The following CDK17 variants were observed in gnomAD, a reference collection of about 807,000 sequenced individuals.
CDK17 encodes cyclin dependent kinase 17.
CDK17 carries 24 observed loss-of-function variants against 77.6 expected under a neutral mutation model. The observed-to-expected ratio is 0.31, with a 90% CI of 0.22 to 0.44. CDK17 has a LOEUF of 0.44. Ranked by LOEUF, CDK17 falls within the 20% of genes least tolerant of loss-of-function variation. CDK17 has a pLI of 1.00. For missense variants in CDK17, 429 were observed against 622.5 expected, an observed-to-expected ratio of 0.69 and a Z score of 3.31; for synonymous variants, 203 against 210.4, an observed-to-expected ratio of 0.96 and a Z score of 0.30.
At position 96,331,877 on chromosome 12, in the gene CDK17, A is replaced by C. The variant is rs527882220; in HGVS notation, c.118+2842T>G. Among the ~76,000 whole-genome samples, 12 of 152,290 alleles carry C rather than the reference A, an allele frequency of 7.9e-5. No homozygotes were observed. The South Asian group carries it at 2.5e-3, about 32-fold the overall frequency. On this transcript the variant is annotated intron_variant, in intron 2 of 16. Coordinates refer to ENST00000261211, the MANE Select transcript of CDK17 (RefSeq NM_002595.5). ...GTGACTAATCAAGAGACAAGTGATC[A>C]AAAATTGGTCCAAAGGCAGTTTATT... is the stretch of plus-strand genomic sequence containing the variant.
At chr12:96,313,920 T>C (rs1391057131) in intron 3 of CDK17, among the ~76,000 whole-genome samples, 2 of 152,198 alleles carry the variant, frequency 1.3e-5, no homozygotes, top group Admixed American at 1.3e-4. Flanking sequence ...GAGCTAATTC[T>C]TGGAATATTC....
At chr12:96,375,994 T>G (rs973481313) in intron 1 of CDK17, among the ~76,000 whole-genome samples, 1 of 152,204 alleles carries the variant, frequency 6.6e-6, no homozygotes, top group African/African-American at 2.4e-5. Flanking sequence ...GAATCAGACT[T>G]TTTATAAATA....
chr12:96,392,541 T>G (rs991373836), intron 1 of CDK17, among the ~76,000 whole-genome samples: 3 of 152,158 alleles, frequency 2.0e-5, no homozygotes, highest in African/African-American at 7.2e-5. Context: ...GAATTAAAAT[T>G]AACAGGACTT....
Position 96,282,554 on chromosome 12 carries a change from C to A in CDK17, c.1411G>T (p.Val471Leu). The change falls in exon 15 of 17, where the codon GTG becomes TTG. Residue 471 changes from valine (V) to leucine (L), a missense_variant. Transcript: ENST00000261211. ...RVSAEEAMKH[V>L]YFRSLGPRIH... ...CTTGGTCCCAGACTTCGAAAGTACA[C>A]ATGTTTCATGGCCTCTTCAGCTGAA... 6.2e-7 allele frequency: 1 copy of A among 1,613,106 alleles called. No homozygotes were observed. The highest frequency in any genetic ancestry group is 8.5e-7 in the Non-Finnish European group (1 of 1,179,080).
At chr12:96,294,932 G>C in intron 10 of CDK17, 67 bp downstream of exon 10, 2 of 1,341,308 alleles carry the variant, frequency 1.5e-6, no homozygotes, top group Non-Finnish European at 2.0e-6. Context: ...TTATGACAGT[G>C]GTTGATCTTT....
chr12:96,338,773 T>G (rs1156831720), intron 1 of CDK17, among the ~76,000 whole-genome samples: 1 of 55,836 alleles, frequency 1.8e-5, no homozygotes, highest in Non-Finnish European at 3.4e-5. Flanking sequence ...CCACTAAGGT[T>G]TTTTTTTTTT....
intron 10 of CDK17, among the ~76,000 whole-genome samples, chr12:96,290,580 C>A (rs917243806): frequency 4.6e-5 from 7 of 152,278 alleles, no homozygotes; most frequent in Admixed American, 3.9e-4. Flanking sequence ...CATTTAATTA[C>A]AAGTTTTACT....
Position 96,347,861 on chromosome 12 carries a change from A to C in CDK17, c.-29-12996T>G, listed in dbSNP as rs527506191. On this transcript the variant is annotated intron_variant, in intron 1 of 16. Coordinates refer to ENST00000261211, the MANE Select transcript of CDK17 (RefSeq NM_002595.5). ...ATCATAAAAAGCTCTTTTCCAATCAAAATGGAATGAAACTAAAAATCAGAA... is the reference window on the plus strand; with the variant it reads ...ATCATAAAAAGCTCTTTTCCAATCACAATGGAATGAAACTAAAAATCAGAA... Among the ~76,000 whole-genome samples, 6 of 152,352 alleles carry C rather than the reference A, an allele frequency of 3.9e-5. No homozygotes were observed. The South Asian group carries it at 1.2e-3, about 32-fold the overall frequency.
chr12:96,299,515 C>CG (rs201779078), intron 6 of CDK17, among the ~76,000 whole-genome samples: 7,648 of 151,738 alleles, frequency 0.05, 284 homozygotes, highest in Non-Finnish European at 0.074. Flanking sequence ...CTCAGCCTCC[C>CG]GAGTAGCTGG....
intron 1 of CDK17, among the ~76,000 whole-genome samples, chr12:96,346,098 G>A (rs1249146031): frequency 2.6e-5 from 4 of 152,220 alleles, no homozygotes; most frequent in Middle Eastern, 3.4e-3. Flanking sequence ...TGGGTGGATC[G>A]TGTGAGGTCA....
At chr12:96,379,079 G>C (rs1409812437) in intron 1 of CDK17, among the ~76,000 whole-genome samples, 1 of 152,112 alleles carries the variant, frequency 6.6e-6, no homozygotes, top group Non-Finnish European at 1.5e-5. Context: ...AATTTCTGAA[G>C]CATAAATACA....
chr12:96,334,990 A>AC (rs1208304399), intron 1 of CDK17, 125 bp from the exon 2 acceptor site: 1 of 686,688 alleles, frequency 1.5e-6, no homozygotes, highest in Non-Finnish European at 2.6e-6. Flanking sequence ...CTTCTGCCAA[A>AC]CATCACCAAA....
intron 1 of CDK17, among the ~76,000 whole-genome samples, chr12:96,377,824 G>A (rs1953808011): frequency 6.6e-6 from 1 of 151,022 alleles, no homozygotes; most frequent in Non-Finnish European, 1.5e-5. Flanking sequence ...CTCCCAAGTA[G>A]CTGAGACTAC....
rs141454708 is a variant in CDK17 at position 96,302,479 on chromosome 12, C to A, written c.544-2119G>T. ...TGAATATGGAACTACCGCATTTTTGCCATGAATTTTAAGTTTTGTGTCATC... is the reference window on the plus strand; with the variant it reads ...TGAATATGGAACTACCGCATTTTTGACATGAATTTTAAGTTTTGTGTCATC... On this transcript the variant is annotated intron_variant, in intron 5 of 16. Coordinates refer to ENST00000261211, the MANE Select transcript of CDK17 (RefSeq NM_002595.5). 2.8e-3 allele frequency among the ~76,000 whole-genome samples: 421 copies of A among 152,052 alleles called. 5 individuals are homozygous for A. Among genetic ancestry groups the A allele is most frequent in the African/African-American group, 9.7e-3 (404 of 41,504 alleles).
chr12:96,321,863 G>A (rs1452232902), intron 3 of CDK17, among the ~76,000 whole-genome samples: 1 of 139,364 alleles, frequency 7.2e-6, no homozygotes, highest in Non-Finnish European at 1.5e-5. Flanking sequence ...AAGGCTAGAT[G>A]ACGAGTTAGT....
intron 1 of CDK17, among the ~76,000 whole-genome samples, chr12:96,352,405 CAT>C (rs1156624107): frequency 6.6e-6 from 1 of 151,266 alleles, no homozygotes; most frequent in East Asian, 1.9e-4. Context: ...AAAAAAAAAA[CAT>C]GTCCCAGCTG....
At chr12:96,284,039 G>T (rs1952212048) in intron 13 of CDK17, among the ~76,000 whole-genome samples, 1 of 152,192 alleles carries the variant, frequency 6.6e-6, no homozygotes, top group African/African-American at 2.4e-5. Flanking sequence ...AGAGACAAGT[G>T]ACCCCAAAAT....
intron 5 of CDK17, among the ~76,000 whole-genome samples, chr12:96,300,836 T>C (rs1283251856): frequency 1.3e-5 from 2 of 152,202 alleles, no homozygotes; most frequent in Admixed American, 1.3e-4. Context: ...AAACCCAATG[T>C]TGGAACATTC....
chr12:96,333,595 A>G (rs1592734448), intron 2 of CDK17, among the ~76,000 whole-genome samples: 2 of 150,718 alleles, frequency 1.3e-5, no homozygotes, highest in East Asian at 3.9e-4. Flanking sequence ...AATCACTTGA[A>G]CCCAGGAGGT....
Sources: gnomAD v4.1 joint callset for allele counts (sites outside exome capture counted in the v4.1 genomes callset) on GRCh38, gnomAD v4.1.1 for gene constraint, MANE v1.5 for transcripts, NCBI Gene and HGNC (gene_info 2026-07-23, HGNC 2026-07-21) for gene names.